The following STAB2 variants were observed in gnomAD, a reference collection of about 807,000 sequenced individuals.
The protein encoded by STAB2 is stabilin-2.
In STAB2, 288 loss-of-function variants were observed where a neutral mutation model predicts 338.1. The ratio of observed to expected loss-of-function variants is 0.85; its 90% CI spans 0.77 to 0.94. The LOEUF is 0.94. STAB2 is among the 40% of genes least tolerant of loss of function. STAB2 has a pLI of 0.00. For synonymous variants in STAB2, 1,202 were observed against 1,193.3 expected (o/e 1.01, Z -0.15); for missense variants, 3,141 against 3,210.1 (o/e 0.98, Z 0.52).
At chr12:103,740,606 G>C in intron 54 of STAB2, 24 bp from the exon 55 acceptor site, 1 of 1,608,246 alleles carries the variant, frequency 6.2e-7, no homozygotes, top group Non-Finnish European at 8.5e-7. Context: ...GTAAGTGAAG[G>C]GATGGTCCAC....
At chr12:103,675,485 C>A (rs1039963284) in intron 23 of STAB2, among the ~76,000 whole-genome samples, 2 of 152,104 alleles carry the variant, frequency 1.3e-5, no homozygotes, top group African/African-American at 4.8e-5. Flanking sequence ...CTTTGCTGAA[C>A]CAGAGGTAAT....
At chr12:103,606,071 T>C (rs1267361307) in intron 3 of STAB2, among the ~76,000 whole-genome samples, 1 of 152,152 alleles carries the variant, frequency 6.6e-6, no homozygotes, top group East Asian at 1.9e-4. Flanking sequence ...TTTGCCTTCT[T>C]TTGTATTAAT....
chr12:103,712,094 A>G (rs1879914018), intron 40 of STAB2, among the ~76,000 whole-genome samples: 2 of 152,262 alleles, frequency 1.3e-5, no homozygotes, highest in South Asian at 4.1e-4. Context: ...CTAGCACATC[A>G]GTGGCTCTCT....
chr12:103,660,161 G>A (rs973727382), intron 15 of STAB2, among the ~76,000 whole-genome samples, 170 bp from the exon 16 acceptor site: 1 of 152,158 alleles, frequency 6.6e-6, no homozygotes, highest in Admixed American at 6.5e-5. Context: ...CACAGAGTGG[G>A]AATTTGGTGA....
At chr12:103,603,865 T>G (rs1279541554) in intron 3 of STAB2, among the ~76,000 whole-genome samples, 1 of 152,206 alleles carries the variant, frequency 6.6e-6, no homozygotes, top group Non-Finnish European at 1.5e-5. Flanking sequence ...TAGCTCTCCA[T>G]TTACTTAGGA....
At chr12:103,715,681 C>T in intron 42 of STAB2, 134 bp from the exon 43 acceptor site, 1 of 950,762 alleles carries the variant, frequency 1.1e-6, no homozygotes, top group Non-Finnish European at 1.6e-6. Flanking sequence ...TGTCTCAGAA[C>T]TTCCAGAAAA....
At chr12:103,729,966 T>C (rs955757881) in intron 48 of STAB2, 150 bp from the exon 49 acceptor site, 1 of 659,990 alleles carries the variant, frequency 1.5e-6, no homozygotes, top group Non-Finnish European at 2.4e-6. Context: ...TTTCACTTTA[T>C]AATCATAATA....
At position 103,637,143 on chromosome 12, in the gene STAB2, G is replaced by T; in HGVS notation, c.616G>T (p.Glu206Ter). The T allele has an allele frequency of 6.2e-7, 1 of 1,613,030 alleles. No individual in the cohort carries two copies. The highest frequency in any genetic ancestry group is 8.5e-7 in the Non-Finnish European group (1 of 1,179,738). Residue 206 changes from glutamate (E) to a stop codon, truncating the protein, a stop_gained, in exon 7 of 69, where the codon GAA (glutamate) becomes TAA (stop). Transcript: ENST00000388887. LOFTEE classifies it high-confidence loss of function. ...TGAATGTGCAGCCTTGCTCTGCCCA[G>T]AAAATTCCAGATGTTCGCCTTCCAC... Reference protein sequence around the residue: ...IPECAALLCPENSRCSPSTED... With the variant: ...IPECAALLCP
Position 103,637,079 on chromosome 12 carries a change from A to G in STAB2, c.584-32A>G, listed in dbSNP as rs374054747. The G allele has an allele frequency of 4.4e-6, 7 of 1,577,462 alleles. No homozygotes were observed. The African/African-American group carries it at 9.6e-5, about 22-fold the overall frequency. ...GGTCTTAAGAACTGGTTATTCTACTAATGCAAGTACTTCAACAATTTTCCT... is the reference window on the plus strand; with the variant it reads ...GGTCTTAAGAACTGGTTATTCTACTGATGCAAGTACTTCAACAATTTTCCT... On this transcript the variant is annotated intron_variant, in intron 6 of 68. Transcript: ENST00000388887.
At chr12:103,732,510 A>G (rs1321184897) in intron 50 of STAB2, among the ~76,000 whole-genome samples, 1 of 152,142 alleles carries the variant, frequency 6.6e-6, no homozygotes, top group Non-Finnish European at 1.5e-5. Flanking sequence ...GCTGTCCAAG[A>G]AAATACAGGT....
chr12:103,621,930 G>C, intron 4 of STAB2, 112 bp from the exon 5 acceptor site: 1 of 923,188 alleles, frequency 1.1e-6, no homozygotes, highest in South Asian at 1.6e-5. Flanking sequence ...TCCAGGATAG[G>C]CACAGAGGGA....
chr12:103,720,008 A>C (rs1343440475), intron 44 of STAB2, among the ~76,000 whole-genome samples: 1 of 152,218 alleles, frequency 6.6e-6, no homozygotes, highest in Non-Finnish European at 1.5e-5. Context: ...CTGTAATTAA[A>C]GCCCTTCTTC....
rs540475133 is a variant in STAB2, at chr12:103,648,640, A to T, written c.1041-50A>T. The T allele has an allele frequency of 2.3e-5, 37 of 1,593,690 alleles. No homozygotes were observed. In the East Asian group the frequency reaches 7.4e-4, roughly 32 times the overall value. On this transcript the variant is annotated intron_variant, in intron 9 of 68. Transcript: ENST00000388887. ...GAGGGGATTGGACTGTATGATCAAAATACTCAATGGCTCTAAAACCCTGAG... is the reference window on the plus strand; with the variant it reads ...GAGGGGATTGGACTGTATGATCAAATTACTCAATGGCTCTAAAACCCTGAG...
chr12:103,602,669 G>A (rs1956970661), intron 3 of STAB2, among the ~76,000 whole-genome samples: 1 of 152,202 alleles, frequency 6.6e-6, no homozygotes, highest in Non-Finnish European at 1.5e-5. Context: ...TCTAATGGAT[G>A]TGTAGTGGAC....
At chr12:103,691,537 C>T (rs1307689644) in intron 30 of STAB2, among the ~76,000 whole-genome samples, 1 of 152,124 alleles carries the variant, frequency 6.6e-6, no homozygotes, top group Non-Finnish European at 1.5e-5. Context: ...TTTTGATATA[C>T]AAATACATTG....
intron 44 of STAB2, among the ~76,000 whole-genome samples, chr12:103,720,507 T>C (rs1011363955): frequency 6.6e-5 from 10 of 152,334 alleles, no homozygotes; most frequent in African/African-American, 2.4e-4. Flanking sequence ...TTAAAAGATA[T>C]GAAAATTTAT....
At chr12:103,600,840 A>G (rs756175044) in intron 3 of STAB2, among the ~76,000 whole-genome samples, 3 of 74,710 alleles carry the variant, frequency 4.0e-5, no homozygotes, top group Non-Finnish European at 7.1e-5. Flanking sequence ...CAGACACCTG[A>G]AGAACTGTGG....
At chr12:103,607,389 G>GT (rs869048052) in intron 3 of STAB2, among the ~76,000 whole-genome samples, 11 of 44,958 alleles carry the variant, frequency 2.4e-4, no homozygotes, top group South Asian at 1.3e-3. Context: ...TCTTTTTTCT[G>GT]TTTTTTTTTA....
rs1385620419 is a variant in STAB2, at chr12:103,587,564, G to A, written c.81+7G>A. 2 of 1,611,276 alleles carry A rather than the reference G, an allele frequency of 1.2e-6. No homozygotes were observed. Among genetic ancestry groups the A allele is most frequent in the Admixed American group, 1.7e-5 (1 of 59,946 alleles). The stretch of plus-strand genomic sequence containing the variant: ...AGCTGAAACCACAGGGCAGGTAAGA[G>A]GAGACTTACATATTTTTTTCATTTG... On this transcript the variant is annotated splice_region_variant and intron_variant, in intron 1 of 68. Transcript: ENST00000388887.
Sources: allele counts gnomAD v4.1 joint callset (sites outside exome capture counted in the v4.1 genomes callset), GRCh38; gene constraint gnomAD v4.1.1; transcripts MANE v1.5; gene names NCBI Gene and HGNC (gene_info 2026-07-23, HGNC 2026-07-21).